Variants in ANKRD36 observed in about 807,000 individuals in gnomAD.
ANKRD36 encodes the protein ankyrin repeat domain-containing protein 36A.
Under a neutral mutation model 278.1 loss-of-function variants are expected in ANKRD36, and 179 were observed. The ratio of observed to expected loss-of-function variants is 0.64; its 90% CI spans 0.57 to 0.73. The LOEUF is 0.73. Ranked by LOEUF, ANKRD36 falls within the 30% of genes least tolerant of loss-of-function variation. The pLI, the probability that ANKRD36 is intolerant of heterozygous loss-of-function variation, is 0.00. For missense variants in ANKRD36, 1,159 were observed against 1,956.7 expected (o/e 0.59, Z 7.69); for synonymous variants, 320 against 641.1 (o/e 0.50, Z 7.57).
At chr2:97,172,581 T>C (rs1212040475) in intron 22 of ANKRD36, among the ~76,000 whole-genome samples, 5 of 152,036 alleles carry the variant, frequency 3.3e-5, no homozygotes, top group Non-Finnish European at 7.4e-5. Context: ...CTTTTTGACA[T>C]GTCCTGACTC....
At chr2:97,220,742 T>TTTTAA in intron 66 of ANKRD36, among the ~76,000 whole-genome samples, 2 of 144,170 alleles carry the variant, frequency 1.4e-5, no homozygotes, top group Non-Finnish European at 3.0e-5. Context: ...TTTTTTTTTT[T>TTTTAA]TTTTTAATTT....
intron 12 of ANKRD36, among the ~76,000 whole-genome samples, chr2:97,150,022 G>C (rs2045490424): frequency 6.6e-6 from 1 of 151,762 alleles, no homozygotes. Flanking sequence ...GACCAAGCTT[G>C]ACAATATAAC....
At chr2:97,198,285 T>C (rs370516033) in intron 42 of ANKRD36, among the ~76,000 whole-genome samples, 178 bp from the exon 43 acceptor site, 613 of 151,932 alleles carry the variant, frequency 4.0e-3, no homozygotes, top group African/African-American at 0.014. Flanking sequence ...ATGGAGCCTG[T>C]ATTCCCTTTT....
Position 97,193,036 on chromosome 2 carries a change from G to A in ANKRD36, c.2432G>A (p.Gly811Glu). The A allele has an allele frequency of 6.4e-7, 1 of 1,562,258 alleles. No individual in the cohort carries two copies. The highest frequency in any genetic ancestry group is 8.7e-7 in the Non-Finnish European group (1 of 1,153,144). ...AGTATAGCCAGAGAAAACAAGGATG[G>A]AGAAAAATCTAGGACAGGTAATTTT... ...VLSIARENKD[G>E]EKSRTVSSRK... Residue 811 changes from glycine to glutamate, a missense_variant, in exon 38 of 76, where the codon GGA (glycine) becomes GAA (glutamate). Coordinates refer to ENST00000420699, the MANE Select transcript of ANKRD36 (RefSeq NM_001354587.1).
chr2:97,222,131 G>C (rs1258194483), intron 66 of ANKRD36, among the ~76,000 whole-genome samples: 1 of 151,978 alleles, frequency 6.6e-6, no homozygotes, highest in Non-Finnish European at 1.5e-5. Context: ...CTGTTCCATT[G>C]ATCTATATTT....
chr2:97,117,927 A>C (rs1226249472), intron 1 of ANKRD36, 137 bp from the exon 2 acceptor site: 1 of 1,246,056 alleles, frequency 8.0e-7, no homozygotes, highest in East Asian at 2.6e-5. Context: ...TCTTTCATTA[A>C]TGTGGTGAGT....
intron 68 of ANKRD36, among the ~76,000 whole-genome samples, chr2:97,241,009 T>TTA: frequency 6.9e-6 from 1 of 144,036 alleles, no homozygotes; most frequent in African/African-American, 2.7e-5. Flanking sequence ...TTTTTTTTTT[T>TTA]TTTTTTTTTA....
At chr2:97,260,352 A>G (rs1424776791) in intron 75 of ANKRD36, among the ~76,000 whole-genome samples, 1 of 100,618 alleles carries the variant, frequency 9.9e-6, no homozygotes, top group Non-Finnish European at 1.7e-5. Context: ...TAAAAGATAT[A>G]TATATATATA....
intron 66 of ANKRD36, among the ~76,000 whole-genome samples, chr2:97,224,565 C>T (rs1201658875): frequency 6.6e-6 from 1 of 151,870 alleles, no homozygotes; most frequent in East Asian, 2.0e-4. Context: ...TTCTCCTGCA[C>T]CAGCCTCCCG....
chr2:97,165,183 A>G (rs990797150), intron 20 of ANKRD36, among the ~76,000 whole-genome samples: 1 of 152,228 alleles, frequency 6.6e-6, no homozygotes, highest in Non-Finnish European at 1.5e-5. Context: ...AATATGTGGA[A>G]TCTGTTTCCA....
At chr2:97,175,583 A>T (rs2153528787) in intron 22 of ANKRD36, among the ~76,000 whole-genome samples, 1 of 151,668 alleles carries the variant, frequency 6.6e-6, no homozygotes, top group East Asian at 1.9e-4. Flanking sequence ...CAGCTCCTGG[A>T]TTCATTAATT....
At chr2:97,143,964 G>T (rs1265370982) in intron 8 of ANKRD36, among the ~76,000 whole-genome samples, 1 of 152,070 alleles carries the variant, frequency 6.6e-6, no homozygotes, top group Non-Finnish European at 1.5e-5. Context: ...TATATGCTAG[G>T]ATTCACCAAA....
At chr2:97,200,009 A>G (rs1359226431) in intron 44 of ANKRD36, among the ~76,000 whole-genome samples, 9 of 152,024 alleles carry the variant, frequency 5.9e-5, no homozygotes, top group Non-Finnish European at 8.8e-5. Context: ...ATTCTCACGT[A>G]TATGAGTTGC....
intron 54 of ANKRD36, 102 bp from the exon 55 acceptor site, chr2:97,209,579 A>G: frequency 6.4e-7 from 1 of 1,569,074 alleles, no homozygotes; most frequent in East Asian, 2.3e-5. Flanking sequence ...GCCTCCACTA[A>G]TACAGGCAGG....
At chr2:97,177,671 T>C (rs1386719032) in intron 22 of ANKRD36, among the ~76,000 whole-genome samples, 1 of 151,872 alleles carries the variant, frequency 6.6e-6, no homozygotes, top group African/African-American at 2.4e-5. Context: ...TATACAAAAA[T>C]CAATTCAAGA....
chr2:97,131,307 A>G (rs199993701), intron 6 of ANKRD36, among the ~76,000 whole-genome samples: 6 of 151,938 alleles, frequency 3.9e-5, no homozygotes, highest in East Asian at 1.9e-4. Flanking sequence ...CTCCTACCTC[A>G]GCCTCCTAAG....
At position 97,142,816 on chromosome 2, in the gene ANKRD36, T is replaced by C. The variant is rs1574851098; in HGVS notation, c.882T>C (p.Asp294=). 1 of 1,564,882 alleles carries C rather than the reference T, an allele frequency of 6.4e-7. No individual in the cohort carries two copies. Among genetic ancestry groups the C allele is most frequent in the Non-Finnish European group, 8.7e-7 (1 of 1,154,982 alleles). The change falls in exon 8 of 76, where the codon GAT becomes GAC. Residue 294 remains aspartate (D), a synonymous_variant. Transcript: ENST00000420699. ...CAAATATAGCCACAGAAATAAAGGA[T>C]GGACAAAAATCTGGGACAGGTATTT... is the stretch of plus-strand genomic sequence containing the variant. ...SISNIATEIK[D]GQKSGTVSSQ... is the part of the protein sequence containing the mutation.
At chr2:97,153,778 T>C (rs1477210682) in intron 14 of ANKRD36, among the ~76,000 whole-genome samples, 2 of 147,656 alleles carry the variant, frequency 1.4e-5, no homozygotes, top group African/African-American at 4.8e-5. Context: ...AATTTGAAGA[T>C]GTAGATTGGA....
chr2:97,183,360 C>A, intron 26 of ANKRD36, 99 bp from the exon 27 acceptor site: 6 of 1,356,378 alleles, frequency 4.4e-6, no homozygotes, highest in Non-Finnish European at 6.0e-6. Context: ...TACACTAGTG[C>A]AGGCAGGAGG....
Sources: allele counts gnomAD v4.1 joint callset (sites outside exome capture counted in the v4.1 genomes callset), GRCh38; gene constraint gnomAD v4.1.1; transcripts MANE v1.5; gene names NCBI Gene and HGNC (gene_info 2026-07-23, HGNC 2026-07-21).